The following GAB2 variants were observed in gnomAD, a reference collection of about 807,000 sequenced individuals.
GAB2 encodes the protein GRB2-associated-binding protein 2.
In GAB2, 26 loss-of-function variants were observed where a neutral mutation model predicts 65.5. That is an observed-to-expected ratio of 0.40 (90% CI 0.29 to 0.55). The LOEUF is 0.55. Among genes scored for constraint, GAB2 ranks in the 20% least tolerant of loss-of-function variants. GAB2 has a pLI of 0.53. For missense variants in GAB2, 884 were observed against 875.8 expected, an observed-to-expected ratio of 1.01 and a Z score of -0.12; for synonymous variants, 321 against 329.6, an observed-to-expected ratio of 0.97 and a Z score of 0.28.
At chr11:78,226,387 A>T in intron 4 of GAB2, 78 bp downstream of exon 4, 2 of 1,161,988 alleles carry the variant, frequency 1.7e-6, no homozygotes, top group South Asian at 2.5e-5. Flanking sequence ...GCCATGGATG[A>T]CCAAGGACCA....
intron 1 of GAB2, among the ~76,000 whole-genome samples, chr11:78,297,050 C>T (rs1028125591): frequency 2.6e-5 from 4 of 152,164 alleles, no homozygotes; most frequent in Non-Finnish European, 5.9e-5. Context: ...TCAACATACA[C>T]GTTTTGGAGG....
chr11:78,358,214 A>G (rs1451923333), intron 1 of GAB2, among the ~76,000 whole-genome samples: 1 of 145,404 alleles, frequency 6.9e-6, no homozygotes, highest in African/African-American at 2.5e-5. Context: ...CAAACACCGC[A>G]TGTTCTCACT....
intron 1 of GAB2, among the ~76,000 whole-genome samples, chr11:78,370,725 A>ATATGTGTGTGTGTGTGTG (rs1554995540): frequency 6.7e-6 from 1 of 148,786 alleles, no homozygotes. Context: ...GTGTGTGTGT[A>ATATGTGTGTGTGTGTGTG]TGTGTGTGTG....
intron 1 of GAB2, among the ~76,000 whole-genome samples, chr11:78,290,595 G>A (rs1238468903): frequency 6.6e-6 from 1 of 152,182 alleles, no homozygotes; most frequent in Non-Finnish European, 1.5e-5. Flanking sequence ...CTGTGCAAGA[G>A]TGTTATGCTC....
chr11:78,315,028 A>G (rs1453062045), intron 1 of GAB2, among the ~76,000 whole-genome samples: 1 of 152,214 alleles, frequency 6.6e-6, no homozygotes, highest in Non-Finnish European at 1.5e-5. Context: ...AAAGCTCAGA[A>G]AACAGGCTGG....
chr11:78,239,006 G>T (rs1408033081), intron 3 of GAB2, among the ~76,000 whole-genome samples: 1 of 151,388 alleles, frequency 6.6e-6, no homozygotes, highest in Non-Finnish European at 1.5e-5. Flanking sequence ...AATGGCCAAC[G>T]CACGCATGAA....
rs183425405 is a variant in GAB2 at position 78,307,621 on chromosome 11, A to G, written c.76-26720T>C. Among the ~76,000 whole-genome samples the G allele has an allele frequency of 7.6e-4, 115 of 151,782 alleles. 1 individual carries two copies. The East Asian group carries it at 0.019, about 25-fold the overall frequency. Reference sequence around the variant, plus strand: ...AAAAATGTTAGAGAGAGAGAGAGAGAGAGAGAGAGAGAGATGTTGAGTCAA... The same window carrying G: ...AAAAATGTTAGAGAGAGAGAGAGAGGGAGAGAGAGAGAGATGTTGAGTCAA... On this transcript the variant is annotated intron_variant, in intron 1 of 9. Coordinates refer to ENST00000361507, the MANE Select transcript of GAB2 (RefSeq NM_080491.3).
chr11:78,397,284 T>C (rs1416566990), intron 1 of GAB2, among the ~76,000 whole-genome samples: 1 of 152,244 alleles, frequency 6.6e-6, no homozygotes, highest in East Asian at 1.9e-4. Context: ...TGAGTAATAT[T>C]TGTTCAAAAC....
intron 1 of GAB2, among the ~76,000 whole-genome samples, chr11:78,390,975 C>A (rs537050888): frequency 1.3e-5 from 2 of 152,070 alleles, no homozygotes; most frequent in Non-Finnish European, 2.9e-5. Flanking sequence ...GGGAAGTGGG[C>A]GGTACTATGA....
intron 1 of GAB2, among the ~76,000 whole-genome samples, chr11:78,409,413 T>C (rs1857097832): frequency 6.6e-6 from 1 of 152,084 alleles, no homozygotes; most frequent in Admixed American, 6.5e-5. Context: ...GGAGAAACCC[T>C]GTCTCTATTA....
intron 3 of GAB2, among the ~76,000 whole-genome samples, chr11:78,233,205 A>G (rs950934127): frequency 6.6e-6 from 1 of 151,888 alleles, no homozygotes; most frequent in Non-Finnish European, 1.5e-5. Flanking sequence ...ATGCCTGGCT[A>G]ATTGTTTTTG....
At chr11:78,402,780 G>A (rs1290836630) in intron 1 of GAB2, among the ~76,000 whole-genome samples, 1 of 152,014 alleles carries the variant, frequency 6.6e-6, no homozygotes, top group Non-Finnish European at 1.5e-5. Context: ...TCACCTTTTA[G>A]AAAATTTAAA....
chr11:78,227,965 T>C (rs1162458965), intron 3 of GAB2, among the ~76,000 whole-genome samples: 2 of 152,202 alleles, frequency 1.3e-5, no homozygotes, highest in African/African-American at 4.8e-5. Context: ...GTTTGGGAAC[T>C]ATATATAGAA....
At position 78,226,619 on chromosome 11, in the gene GAB2, G is replaced by C. The variant is rs769259792; in HGVS notation, c.1053C>G (p.Pro351=). The change falls in exon 4 of 10, where the codon CCC becomes CCG. Residue 351 remains proline (P), a synonymous_variant. Transcript: ENST00000361507. The part of the protein sequence containing the change: ...VATPGDSAIA[P]PPRPPKPSQA... ...GACTTGGCTTGGGGGGGCGGGGTGG[G>C]GGAGCTATGGCTGAGTCCCCAGGAG... The C allele has an allele frequency of 5.3e-6, 5 of 952,214 alleles. No homozygotes were observed. Among genetic ancestry groups the C allele is most frequent in the African/African-American group, 1.7e-5 (1 of 60,296 alleles). The allele number at this position is 952,214 out of a possible 1,614,324, so 59.0% of individuals were successfully genotyped here.
chr11:78,264,525 T>A (rs949364499), intron 2 of GAB2, among the ~76,000 whole-genome samples: 1 of 151,952 alleles, frequency 6.6e-6, no homozygotes, highest in Non-Finnish European at 1.5e-5. Context: ...CGCAGCCTCC[T>A]GAGTAGCTGG....
chr11:78,394,387 G>C (rs554477321), intron 1 of GAB2, among the ~76,000 whole-genome samples: 2 of 152,256 alleles, frequency 1.3e-5, no homozygotes, highest in South Asian at 4.1e-4. Context: ...GTCCACAAAA[G>C]AAGAGCAGAG....
intron 1 of GAB2, among the ~76,000 whole-genome samples, chr11:78,301,566 C>G (rs970551398): frequency 1.3e-5 from 2 of 152,174 alleles, no homozygotes; most frequent in African/African-American, 4.8e-5. Context: ...CTCCTGACTT[C>G]AGGTGATCTG....
At chr11:78,259,305 A>G (rs1054460906) in intron 2 of GAB2, among the ~76,000 whole-genome samples, 2 of 152,232 alleles carry the variant, frequency 1.3e-5, no homozygotes, top group African/African-American at 4.8e-5. Context: ...TGTTGGCCTG[A>G]CACTTGTCCC....
At chr11:78,407,754 A>AAGAAAGAAAGAAAG (rs1555001771) in intron 1 of GAB2, among the ~76,000 whole-genome samples, 1 of 151,550 alleles carries the variant, frequency 6.6e-6, no homozygotes, top group Non-Finnish European at 1.5e-5. Flanking sequence ...AAGAAAAAGA[A>AAGAAAGAAAGAAAG]AGAAAGAAAG....
Sources: gnomAD v4.1 joint callset for allele counts (sites outside exome capture counted in the v4.1 genomes callset) on GRCh38, gnomAD v4.1.1 for gene constraint, MANE v1.5 for transcripts, NCBI Gene and HGNC (gene_info 2026-07-23, HGNC 2026-07-21) for gene names.